Variants in PKNOX2 observed in about 807,000 individuals in gnomAD.
PKNOX2 encodes the protein PBX/knotted 1 homeobox 2, also known as homeobox protein PKNOX2.
In PKNOX2, 14 loss-of-function variants were observed where a neutral mutation model predicts 53.1. The ratio of observed to expected loss-of-function variants is 0.26; its 90% CI spans 0.17 to 0.41. The LOEUF (loss-of-function observed/expected upper bound fraction) is 0.41. PKNOX2 is among the 10% of genes least tolerant of loss of function. The pLI is 1.00. For synonymous variants in PKNOX2, 257 were observed against 242.8 expected (o/e 1.06, Z -0.54); for missense variants, 496 against 602.8 (o/e 0.82, Z 1.85).
chr11:125,316,228 A>G (rs148229015), intron 2 of PKNOX2, among the ~76,000 whole-genome samples: 37 of 152,302 alleles, frequency 2.4e-4, no homozygotes, highest in Middle Eastern at 3.4e-3. Flanking sequence ...ACCTGCCCCA[A>G]TATGGACTTA....
At position 125,168,234 on chromosome 11, in the gene PKNOX2, T is replaced by G. The variant is rs545093145; in HGVS notation, c.-201+3458T>G. ...AGGCTGTTTTTCAGTGCTTTTTGCT[T>G]TTTCAATCTGTTTGGCACAAAAGGT... On this transcript the variant is annotated intron_variant, in intron 1 of 12. Transcript: ENST00000298282. Among the ~76,000 whole-genome samples, 465 of 152,342 alleles carry G rather than the reference T, an allele frequency of 3.1e-3. 1 individual carries two copies. The highest frequency in any genetic ancestry group is 5.2e-3 in the Non-Finnish European group (352 of 68,028).
intron 1 of PKNOX2, among the ~76,000 whole-genome samples, chr11:125,178,605 G>GAAAGAAAGAAAGAAA (rs1491180169): frequency 5.5e-4 from 18 of 32,696 alleles, no homozygotes; most frequent in African/African-American, 1.1e-3. Context: ...AAGGAAGGAA[G>GAAAGAAAGAAAGAAA]GAAGGAAAGA....
intron 5 of PKNOX2, among the ~76,000 whole-genome samples, chr11:125,379,977 C>T (rs561427535): frequency 2.5e-4 from 35 of 142,152 alleles, no homozygotes; most frequent in African/African-American, 9.3e-4. Flanking sequence ...TTCAGATGCT[C>T]CTGGGGAGAG....
At position 125,352,988 on chromosome 11, in the gene PKNOX2, A is replaced by C. The variant is rs1017612422; in HGVS notation, c.87+1596A>C. ...GATGGGAACCTTTTGCCTCCCAAGA[A>C]AGAAGTGAGAGAAGAAGCTAGGGGC... is the stretch of plus-strand genomic sequence containing the variant. On this transcript the variant is annotated intron_variant, in intron 4 of 12. Coordinates refer to ENST00000298282, the MANE Select transcript of PKNOX2 (RefSeq NM_001382323.2). This position sits in a 1 kb window ranked among gnomAD's most constrained non-coding sequence, Gnocchi z 4.1. Among the ~76,000 whole-genome samples the C allele has an allele frequency of 7.9e-5, 12 of 152,140 alleles. No individual in the cohort carries two copies. The highest frequency in any genetic ancestry group is 2.7e-4 in the African/African-American group (11 of 41,418).
chr11:125,393,158 CAAAAAA>C (rs571335360), intron 6 of PKNOX2, among the ~76,000 whole-genome samples: 2 of 70,250 alleles, frequency 2.8e-5, no homozygotes, highest in African/African-American at 4.8e-5. Context: ...AGACTCGTCT[CAAAAAA>C]AAAAAAAAAA....
intron 2 of PKNOX2, among the ~76,000 whole-genome samples, chr11:125,267,201 A>T (rs1459826881): frequency 6.6e-6 from 1 of 152,176 alleles, no homozygotes; most frequent in Non-Finnish European, 1.5e-5. Flanking sequence ...AAGCATAGGT[A>T]GACGTTTGGT....
chr11:125,242,165 T>G (rs1943203587), intron 2 of PKNOX2, among the ~76,000 whole-genome samples: 1 of 152,124 alleles, frequency 6.6e-6, no homozygotes, highest in Non-Finnish European at 1.5e-5. Flanking sequence ...TGTGTCGCTG[T>G]CTCATTTCGC....
chr11:125,274,677 G>A (rs919149927), intron 2 of PKNOX2, among the ~76,000 whole-genome samples: 2 of 152,248 alleles, frequency 1.3e-5, no homozygotes, highest in African/African-American at 4.8e-5. Context: ...CCCAGGCCAG[G>A]ACGCTGGGCC....
rs186231639 is a variant in PKNOX2 at position 125,231,842 on chromosome 11, A to T, written c.-200-3203A>T. Among the ~76,000 whole-genome samples, 25 of 152,318 alleles carry T rather than the reference A, an allele frequency of 1.6e-4. 1 individual carries two copies. The highest frequency in any genetic ancestry group is 1.6e-3 in the Admixed American group (25 of 15,304). ...GGGAGATGAATTATTTCATGAAATG[A>T]TGGTGAGAGAAGACACTATTAATGT... On this transcript the variant is annotated intron_variant, in intron 1 of 12. Coordinates refer to ENST00000298282, the MANE Select transcript of PKNOX2 (RefSeq NM_001382323.2).
chr11:125,295,484 A>AC (rs1226022509), intron 2 of PKNOX2, among the ~76,000 whole-genome samples: 1 of 152,198 alleles, frequency 6.6e-6, no homozygotes, highest in Admixed American at 6.5e-5. Flanking sequence ...GTGCGTATGC[A>AC]CCACTCTCAG....
At chr11:125,201,434 T>C (rs904279524) in intron 1 of PKNOX2, among the ~76,000 whole-genome samples, 1 of 151,798 alleles carries the variant, frequency 6.6e-6, no homozygotes, top group Non-Finnish European at 1.5e-5. Flanking sequence ...TTCCAGATGA[T>C]ATGGAAAATG....
chr11:125,273,371 C>A (rs1305285388), intron 2 of PKNOX2, among the ~76,000 whole-genome samples: 1 of 152,112 alleles, frequency 6.6e-6, no homozygotes, highest in East Asian at 1.9e-4. Context: ...GGAGGATGGG[C>A]AGATGGGAGA....
chr11:125,245,928 G>A lies in PKNOX2; in HGVS notation c.-130+10813G>A, dbSNP rs1239888270. Among the ~76,000 whole-genome samples the A allele has an allele frequency of 1.2e-4, 18 of 152,242 alleles. No homozygotes were observed. In the South Asian group the frequency reaches 3.3e-3, roughly 28 times the overall value. ...TTTGTTTTGTTTTGTTTTTAAGGGT[G>A]AGTGCTATCTTTCTAGATGCAAAAT... On this transcript the variant is annotated intron_variant, in intron 2 of 12. Transcript: ENST00000298282.
At chr11:125,294,339 A>C (rs1947511545) in intron 2 of PKNOX2, among the ~76,000 whole-genome samples, 1 of 152,204 alleles carries the variant, frequency 6.6e-6, no homozygotes, top group Non-Finnish European at 1.5e-5. Flanking sequence ...AAAGGCACGA[A>C]CCAGAGCTAG....
At chr11:125,172,933 G>A (rs182068252) in intron 1 of PKNOX2, among the ~76,000 whole-genome samples, 1 of 152,302 alleles carries the variant, frequency 6.6e-6, no homozygotes, top group East Asian at 1.9e-4. Context: ...AGCAATTTCA[G>A]TCTGAAAACT....
At chr11:125,257,904 T>C (rs949415805) in intron 2 of PKNOX2, among the ~76,000 whole-genome samples, 2 of 152,182 alleles carry the variant, frequency 1.3e-5, no homozygotes, top group African/African-American at 4.8e-5. Context: ...GCACTTTCCC[T>C]ATAGCCTTAG....
intron 2 of PKNOX2, among the ~76,000 whole-genome samples, chr11:125,291,655 G>A (rs1340754027): frequency 6.6e-6 from 1 of 152,156 alleles, no homozygotes; most frequent in Non-Finnish European, 1.5e-5. Flanking sequence ...AAAGGCAAAA[G>A]CACCTCAAGT....
chr11:125,199,206 G>A (rs959879936), intron 1 of PKNOX2, among the ~76,000 whole-genome samples: 4 of 151,996 alleles, frequency 2.6e-5, no homozygotes, highest in Admixed American at 6.6e-5. Context: ...GCCCCAGGTG[G>A]CATGTTATTT....
intron 1 of PKNOX2, among the ~76,000 whole-genome samples, chr11:125,215,039 A>G (rs1940324550): frequency 6.6e-6 from 1 of 152,082 alleles, no homozygotes; most frequent in East Asian, 1.9e-4. Flanking sequence ...CCGCGAAGGA[A>G]ATAAAATCTC....
Sources: gnomAD v4.1 joint callset for allele counts (sites outside exome capture counted in the v4.1 genomes callset) on GRCh38, gnomAD v4.1.1 for gene constraint, Gnocchi (gnomAD v3.1) non-coding constraint, MANE v1.5 for transcripts, NCBI Gene and HGNC (gene_info 2026-07-23, HGNC 2026-07-21) for gene names.